Variants in SGCZ observed in about 807,000 individuals in gnomAD.
SGCZ encodes zeta-sarcoglycan.
Under a neutral mutation model 41.3 loss-of-function variants are expected in SGCZ, and 40 were observed. The observed-to-expected ratio is 0.97, with a 90% CI of 0.75 to 1.26. SGCZ has a LOEUF of 1.26. SGCZ is among the 50% of genes most tolerant of loss of function. The pLI is 0.00. For synonymous variants in SGCZ, 206 were observed against 137.5 expected (o/e 1.50, Z -3.49); for missense variants, 552 against 369.8 (o/e 1.49, Z -4.04).
intron 5 of SGCZ, among the ~76,000 whole-genome samples, chr8:14,124,009 G>A (rs1259636239): frequency 6.6e-6 from 1 of 152,134 alleles, no homozygotes; most frequent in African/African-American, 2.4e-5. Context: ...CTAGAGTAAT[G>A]ATGAGGGTCT....
intron 2 of SGCZ, among the ~76,000 whole-genome samples, chr8:14,550,470 G>A (rs200666501): frequency 6.6e-6 from 1 of 151,814 alleles, no homozygotes; most frequent in Admixed American, 6.6e-5. Flanking sequence ...GGTAAAGTTT[G>A]CTTTTTCTTT....
At chr8:14,567,422 A>C (rs1804405900) in intron 1 of SGCZ, among the ~76,000 whole-genome samples, 1 of 152,150 alleles carries the variant, frequency 6.6e-6, no homozygotes, top group South Asian at 2.1e-4. Context: ...TTATCTAGCT[A>C]ATCTAGTGGG....
chr8:14,847,125 GAAAGAAGAAGAAGAAGAAGAAGAA>G (rs1471726512), intron 1 of SGCZ, among the ~76,000 whole-genome samples: 25 of 61,824 alleles, frequency 4.0e-4, no homozygotes, highest in Non-Finnish European at 6.8e-4. Flanking sequence ...AGAAGAAGAA[GAAAGAAGAAGAAGAAGAAGAAGAA>G]GAAGAAGAAG....
intron 1 of SGCZ, among the ~76,000 whole-genome samples, chr8:15,136,365 G>C (rs552479642): frequency 6.6e-6 from 1 of 151,972 alleles, no homozygotes; most frequent in Admixed American, 6.6e-5. Context: ...GCCCTGATCT[G>C]AATAGCAGGT....
chr8:15,119,019 G>A (rs1475251591), intron 1 of SGCZ, among the ~76,000 whole-genome samples: 1 of 152,044 alleles, frequency 6.6e-6, no homozygotes, highest in Non-Finnish European at 1.5e-5. Flanking sequence ...TGAGTAGAAG[G>A]CACGCTTTTG....
chr8:14,245,504 C>T (rs1387170322), intron 3 of SGCZ, among the ~76,000 whole-genome samples: 1 of 152,092 alleles, frequency 6.6e-6, no homozygotes, highest in Non-Finnish European at 1.5e-5. Flanking sequence ...AGAAGAAAAC[C>T]TAGGCATTAC....
chr8:14,294,303 A>G (rs1307053746), intron 3 of SGCZ, among the ~76,000 whole-genome samples: 1 of 151,912 alleles, frequency 6.6e-6, no homozygotes, highest in Non-Finnish European at 1.5e-5. Context: ...ATTCTCACCG[A>G]CACAACATTA....
At chr8:14,898,066 A>G (rs1189501956) in intron 1 of SGCZ, among the ~76,000 whole-genome samples, 1 of 152,146 alleles carries the variant, frequency 6.6e-6, no homozygotes, top group Non-Finnish European at 1.5e-5. Context: ...TGGGCCATCC[A>G]ATAAGGAACT....
At chr8:14,891,259 G>C (rs1805006353) in intron 1 of SGCZ, among the ~76,000 whole-genome samples, 1 of 152,184 alleles carries the variant, frequency 6.6e-6, no homozygotes, top group African/African-American at 2.4e-5. Flanking sequence ...TTCTGGAAAG[G>C]ATTTGCCATT....
At chr8:14,308,870 A>G (rs1801431271) in intron 3 of SGCZ, among the ~76,000 whole-genome samples, 1 of 152,158 alleles carries the variant, frequency 6.6e-6, no homozygotes, top group Non-Finnish European at 1.5e-5. Flanking sequence ...TTCTTCAGTT[A>G]ATAAAATGTC....
At chr8:14,114,315 A>C (rs1269115260) in intron 5 of SGCZ, among the ~76,000 whole-genome samples, 1 of 152,058 alleles carries the variant, frequency 6.6e-6, no homozygotes, top group Non-Finnish European at 1.5e-5. Context: ...CTTTAACACA[A>C]ATCAACATCC....
Position 14,716,532 on chromosome 8 carries a change from G to A in SGCZ, c.40-161606C>T, listed in dbSNP as rs917937395. Among the ~76,000 whole-genome samples, 8 of 152,032 alleles carry A rather than the reference G, an allele frequency of 5.3e-5. No individual in the cohort carries two copies. In the East Asian group the frequency reaches 7.7e-4, roughly 15 times the overall value. ...CTGGAATCATAATTTGAATAAAGTC[G>A]TATTATTTATATGACATAGAAAACT... On this transcript the variant is annotated intron_variant, in intron 1 of 7. Coordinates refer to ENST00000382080, the MANE Select transcript of SGCZ (RefSeq NM_139167.4).
At chr8:14,567,841 G>T (rs1804422789) in intron 1 of SGCZ, among the ~76,000 whole-genome samples, 1 of 152,178 alleles carries the variant, frequency 6.6e-6, no homozygotes, top group Admixed American at 6.5e-5. Context: ...TCACTGCGAA[G>T]GTCTGCAGCT....
intron 1 of SGCZ, among the ~76,000 whole-genome samples, chr8:14,871,193 G>C (rs1207943706): frequency 6.6e-6 from 1 of 151,872 alleles, no homozygotes; most frequent in East Asian, 1.9e-4. Context: ...GGCAACAAGA[G>C]TGAAACGCTC....
intron 3 of SGCZ, among the ~76,000 whole-genome samples, chr8:14,242,814 G>C (rs561726924): frequency 4.6e-5 from 7 of 152,212 alleles, no homozygotes; most frequent in African/African-American, 1.7e-4. Flanking sequence ...CCACGAGGAA[G>C]TACTGTGTTT....
chr8:15,110,340 G>A (rs1807000282), intron 1 of SGCZ, among the ~76,000 whole-genome samples: 2 of 152,182 alleles, frequency 1.3e-5, no homozygotes, highest in East Asian at 3.9e-4. Flanking sequence ...GAGACTTTAG[G>A]AGAAATTGTA....
intron 2 of SGCZ, among the ~76,000 whole-genome samples, chr8:14,524,650 C>T (rs1005773994): frequency 5.9e-5 from 9 of 152,122 alleles, no homozygotes; most frequent in African/African-American, 9.7e-5. Context: ...TATACTCCTT[C>T]TTGGATCATA....
intron 1 of SGCZ, among the ~76,000 whole-genome samples, chr8:14,581,451 T>G (rs939630507): frequency 1.4e-5 from 2 of 146,436 alleles, no homozygotes; most frequent in African/African-American, 5.3e-5. Flanking sequence ...GTTTTTTTGT[T>G]TTTTTTTTTC....
intron 5 of SGCZ, among the ~76,000 whole-genome samples, chr8:14,119,586 C>T (rs1459175484): frequency 2.6e-5 from 4 of 152,064 alleles, no homozygotes; most frequent in Non-Finnish European, 5.9e-5. Flanking sequence ...CCAGAACTTC[C>T]AATACTATGT....
Sources: gnomAD v4.1 joint callset for allele counts (sites outside exome capture counted in the v4.1 genomes callset) on GRCh38, gnomAD v4.1.1 for gene constraint, MANE v1.5 for transcripts, NCBI Gene and HGNC (gene_info 2026-07-23, HGNC 2026-07-21) for gene names.